The following DOCK9 variants were observed in gnomAD, a reference collection of about 807,000 sequenced individuals.
The protein encoded by DOCK9 is dedicator of cytokinesis protein 9.
DOCK9 carries 89 observed loss-of-function variants against 263.3 expected under a neutral mutation model. The observed-to-expected ratio is 0.34, with a 90% CI of 0.28 to 0.40. DOCK9 has a LOEUF of 0.40. DOCK9 is among the 10% of genes least tolerant of loss of function. The pLI is 1.00. For missense variants in DOCK9, 2,140 were observed against 2,603.4 expected (o/e 0.82, Z 3.87); for synonymous variants, 976 against 973.1 (o/e 1.00, Z -0.06).
At chr13:98,874,573 C>T (rs1170939294) in intron 27 of DOCK9, among the ~76,000 whole-genome samples, 1 of 152,196 alleles carries the variant, frequency 6.6e-6, no homozygotes, top group Non-Finnish European at 1.5e-5. Flanking sequence ...ATTCATAATG[C>T]TCTCCATCCT....
chr13:98,937,646 T>C (rs2055098963), intron 2 of DOCK9, among the ~76,000 whole-genome samples: 1 of 151,418 alleles, frequency 6.6e-6, no homozygotes, highest in Admixed American at 6.6e-5. Context: ...CCCAAAGGGC[T>C]CATATGAGGA....
intron 9 of DOCK9, among the ~76,000 whole-genome samples, chr13:98,906,855 C>T (rs1279779500): frequency 6.6e-6 from 1 of 152,170 alleles, no homozygotes; most frequent in Non-Finnish European, 1.5e-5. Context: ...GTGCAAGCTA[C>T]TTAGCCTCTC....
At chr13:98,997,609 C>T (rs1002151872) in intron 1 of DOCK9, among the ~76,000 whole-genome samples, 3 of 152,258 alleles carry the variant, frequency 2.0e-5, no homozygotes, top group Non-Finnish European at 4.4e-5. Context: ...GGTCTCTCAA[C>T]ACTTCCTTCC....
At chr13:99,060,451 A>G (rs1217157997) in intron 1 of DOCK9, among the ~76,000 whole-genome samples, 1 of 152,122 alleles carries the variant, frequency 6.6e-6, no homozygotes, top group Non-Finnish European at 1.5e-5. Context: ...ATGTGAACAT[A>G]TTTTCAATTC....
intron 1 of DOCK9, among the ~76,000 whole-genome samples, chr13:99,014,431 C>A (rs1202140059): frequency 6.6e-6 from 1 of 152,196 alleles, no homozygotes; most frequent in Non-Finnish European, 1.5e-5. Context: ...TTGAGTGATG[C>A]TCTCCTTTCT....
At chr13:99,020,844 T>C (rs529553823) in intron 1 of DOCK9, among the ~76,000 whole-genome samples, 3 of 152,332 alleles carry the variant, frequency 2.0e-5, no homozygotes, top group Non-Finnish European at 4.4e-5. Context: ...CTGCAGTGGC[T>C]GAAAGGAAGA....
Position 98,883,673 on chromosome 13 carries a change from G to A in DOCK9, c.2469+140C>T. 1.2e-5 allele frequency: 7 copies of A among 572,314 alleles called. No individual in the cohort carries two copies. The South Asian group carries it at 1.9e-4, about 16-fold the overall frequency. 35.5% of individuals were successfully genotyped at this position (572,314 alleles called of 1,614,324 possible). On this transcript the variant is annotated intron_variant, in intron 22 of 52. Transcript: ENST00000682017. ...TATATGAATACATATAAGCACTTCA[G>A]TTGTACTTTCTTTCTTTAGAAAAAG...
At chr13:99,007,035 T>G (rs144554429) in intron 1 of DOCK9, among the ~76,000 whole-genome samples, 1 of 152,160 alleles carries the variant, frequency 6.6e-6, no homozygotes, top group Non-Finnish European at 1.5e-5. Context: ...GAGGCTTTAG[T>G]GAGCCAAGAT....
intron 1 of DOCK9, among the ~76,000 whole-genome samples, chr13:98,999,530 T>G (rs535731591): frequency 6.6e-6 from 1 of 152,346 alleles, no homozygotes; most frequent in South Asian, 2.1e-4. Context: ...AAGTCCTGCG[T>G]GTCTGGGGTT....
rs755965026 is a variant in DOCK9 at position 98,912,168 on chromosome 13, G to A, written c.960+2160C>T. 5.3e-5 allele frequency among the ~76,000 whole-genome samples: 8 copies of A among 152,078 alleles called. No homozygotes were observed. In the South Asian group the frequency reaches 1.2e-3, roughly 24 times the overall value. On this transcript the variant is annotated intron_variant, in intron 9 of 52. Coordinates refer to ENST00000682017, the MANE Select transcript of DOCK9 (RefSeq NM_001366683.2). ...ATTACAGGCATGAGCCACTATGCCC[G>A]ACCTAAAAAAAACTTCTTAAAGTGA...
chr13:99,016,589 G>A (rs915008471), intron 1 of DOCK9, among the ~76,000 whole-genome samples: 9 of 152,188 alleles, frequency 5.9e-5, no homozygotes, highest in Non-Finnish European at 7.3e-5. Flanking sequence ...TCCTTCTACT[G>A]TAGACTGAAC....
At chr13:99,082,524 A>C (rs1210532470) in intron 1 of DOCK9, among the ~76,000 whole-genome samples, 2 of 140,568 alleles carry the variant, frequency 1.4e-5, no homozygotes, top group African/African-American at 2.7e-5. Context: ...CATCTCAAAA[A>C]AATAATAATA....
chr13:98,840,919 G>A (rs1241840032), intron 38 of DOCK9, among the ~76,000 whole-genome samples: 3 of 152,114 alleles, frequency 2.0e-5, no homozygotes, highest in African/African-American at 4.8e-5. Flanking sequence ...CTTGCTGAAA[G>A]AACTCTCCAA....
At chr13:98,845,747 C>G (rs963251809) in intron 38 of DOCK9, among the ~76,000 whole-genome samples, 177 bp downstream of exon 38, 7 of 152,160 alleles carry the variant, frequency 4.6e-5, no homozygotes, top group Non-Finnish European at 1.0e-4. Context: ...TGTGTCACTC[C>G]CAAATGCTGA....
At chr13:98,971,139 G>A (rs1764913573) in intron 1 of DOCK9, among the ~76,000 whole-genome samples, 1 of 152,198 alleles carries the variant, frequency 6.6e-6, no homozygotes, top group Non-Finnish European at 1.5e-5. Context: ...TCATTTTACA[G>A]GTAAGAAAAC....
At chr13:98,981,845 G>A (rs1449506556), upstream of DOCK9, among the ~76,000 whole-genome samples, 1 of 152,188 alleles carries the variant, frequency 6.6e-6, no homozygotes, top group East Asian at 1.9e-4. Flanking sequence ...TCCGGTTGGT[G>A]TGGCCACTAG....
chr13:99,064,273 A>T (rs1181468094), intron 1 of DOCK9, among the ~76,000 whole-genome samples: 2 of 152,228 alleles, frequency 1.3e-5, no homozygotes, highest in Non-Finnish European at 2.9e-5. Context: ...AACAGAGAGA[A>T]GGGTGCAAAG....
chr13:98,982,512 G>C (rs191297310), upstream of DOCK9, among the ~76,000 whole-genome samples: 159 of 152,198 alleles, frequency 1.0e-3, no homozygotes, highest in African/African-American at 3.6e-3. Flanking sequence ...CTTTTATTAA[G>C]TTTGCCCCGG....
chr13:99,048,692 A>G (rs945956889), intron 1 of DOCK9, among the ~76,000 whole-genome samples: 1 of 152,228 alleles, frequency 6.6e-6, no homozygotes, highest in African/African-American at 2.4e-5. Flanking sequence ...AAATGGGGAC[A>G]GCTCACATGC....
Sources: gnomAD v4.1 joint callset for allele counts (sites outside exome capture counted in the v4.1 genomes callset) on GRCh38, gnomAD v4.1.1 for gene constraint, MANE v1.5 for transcripts, NCBI Gene and HGNC (gene_info 2026-07-23, HGNC 2026-07-21) for gene names.